The following MAP2K6 variants were observed in gnomAD, a reference collection of about 807,000 sequenced individuals.
MAP2K6 encodes dual specificity mitogen-activated protein kinase kinase 6.
MAP2K6 carries 16 observed loss-of-function variants against 53.7 expected under a neutral mutation model. The ratio of observed to expected loss-of-function variants is 0.30; its 90% CI spans 0.20 to 0.45. The LOEUF is 0.45. Among genes scored for constraint, MAP2K6 ranks in the 20% least tolerant of loss-of-function variants. MAP2K6 has a pLI of 1.00. For synonymous variants in MAP2K6, 132 were observed against 143.1 expected, an observed-to-expected ratio of 0.92 and a Z score of 0.55; for missense variants, 204 against 411.9, an observed-to-expected ratio of 0.50 and a Z score of 4.37.
chr17:69,435,362 C>G (rs1322491986), intron 1 of MAP2K6: 3 of 151,838 alleles, frequency 2.0e-5, no homozygotes, highest in African/African-American at 7.3e-5. Context: ...TGGTGAAACC[C>G]CGTCTCTACT....
At chr17:69,428,992 G>A (rs751365725) in intron 1 of MAP2K6, among the ~76,000 whole-genome samples, 14 of 146,890 alleles carry the variant, frequency 9.5e-5, no homozygotes, top group Non-Finnish European at 1.4e-4. Context: ...CTGAATTTGT[G>A]TTTAGTGGTA....
intron 1 of MAP2K6, among the ~76,000 whole-genome samples, chr17:69,487,024 C>T (rs889841836): frequency 1.3e-5 from 2 of 152,156 alleles, no homozygotes; most frequent in Admixed American, 6.6e-5. Flanking sequence ...CCTGGATAGA[C>T]CTGGGTCGTG....
At chr17:69,475,403 C>T (rs1481691118) in intron 1 of MAP2K6, among the ~76,000 whole-genome samples, 1 of 152,030 alleles carries the variant, frequency 6.6e-6, no homozygotes, top group South Asian at 2.1e-4. Context: ...CTCCTGACCT[C>T]GTGATCCGCC....
intron 5 of MAP2K6, chr17:69,519,958 A>G (rs993457016): frequency 6.9e-6 from 2 of 289,766 alleles, no homozygotes; most frequent in African/African-American, 2.2e-5. Flanking sequence ...ACTCCTAGAC[A>G]GTGGTATCAG....
At chr17:69,511,688 A>G (rs1335510320) in intron 2 of MAP2K6, among the ~76,000 whole-genome samples, 1 of 152,250 alleles carries the variant, frequency 6.6e-6, no homozygotes, top group Non-Finnish European at 1.5e-5. Context: ...GCTGTTGAGC[A>G]TAGCTTCATG....
intron 1 of MAP2K6, among the ~76,000 whole-genome samples, chr17:69,490,963 T>C (rs1908723099): frequency 6.6e-6 from 1 of 152,148 alleles, no homozygotes; most frequent in Admixed American, 6.5e-5. Flanking sequence ...AGTGAGAACA[T>C]GAGATAATCT....
chr17:69,467,851 A>G (rs537449490), intron 1 of MAP2K6, among the ~76,000 whole-genome samples: 1 of 152,110 alleles, frequency 6.6e-6, no homozygotes, highest in South Asian at 2.1e-4. Context: ...AACTCACTGC[A>G]ACAACCCAGG....
intron 1 of MAP2K6, among the ~76,000 whole-genome samples, chr17:69,417,939 A>G (rs1232465805): frequency 6.6e-6 from 1 of 152,242 alleles, no homozygotes; most frequent in African/African-American, 2.4e-5. Flanking sequence ...TTAGAGAGCA[A>G]TAAGTAAATC....
intron 1 of MAP2K6, chr17:69,434,092 G>C (rs1034389973): frequency 1.3e-5 from 2 of 152,174 alleles, no homozygotes; most frequent in African/African-American, 2.4e-5. Context: ...GCTCAGAATG[G>C]AATGGATAGC....
At chr17:69,428,130 G>A (rs562210162) in intron 1 of MAP2K6, among the ~76,000 whole-genome samples, 16 of 152,288 alleles carry the variant, frequency 1.1e-4, no homozygotes, top group South Asian at 6.2e-4. Flanking sequence ...CTACCCTCAA[G>A]AAGCTCATAT....
intron 1 of MAP2K6, chr17:69,477,318 G>C (rs958556667): frequency 3.9e-5 from 6 of 152,202 alleles, no homozygotes; most frequent in African/African-American, 1.4e-4. Context: ...AACTAATGGG[G>C]TTATCGTCTC....
intron 1 of MAP2K6, among the ~76,000 whole-genome samples, chr17:69,483,755 C>A (rs1908428291): frequency 2.6e-5 from 4 of 152,038 alleles, no homozygotes; most frequent in Admixed American, 2.6e-4. Context: ...TAGACACAGA[C>A]AAATGGAATA....
At chr17:69,514,910 G>T (rs1001877367) in intron 2 of MAP2K6, among the ~76,000 whole-genome samples, 2 of 152,108 alleles carry the variant, frequency 1.3e-5, no homozygotes, top group Admixed American at 6.6e-5. Flanking sequence ...TTCAGCAAAA[G>T]GGTTAGAATC....
chr17:69,418,079 T>G (rs1333736269), intron 1 of MAP2K6, among the ~76,000 whole-genome samples: 3 of 152,228 alleles, frequency 2.0e-5, no homozygotes, highest in Non-Finnish European at 4.4e-5. Flanking sequence ...GTAAATTTCT[T>G]GTTCTCTATA....
intron 1 of MAP2K6, among the ~76,000 whole-genome samples, chr17:69,440,441 T>TTGTA (rs1906780631): frequency 6.6e-6 from 1 of 152,202 alleles, no homozygotes; most frequent in Non-Finnish European, 1.5e-5. Flanking sequence ...CTCTTGTGAC[T>TTGTA]TACAGTGGTC....
intron 1 of MAP2K6, among the ~76,000 whole-genome samples, chr17:69,415,298 C>T (rs576367386): frequency 1.3e-5 from 2 of 152,270 alleles, no homozygotes; most frequent in East Asian, 3.9e-4. Flanking sequence ...TCTAAATGTG[C>T]AAGGCTTTAT....
At chr17:69,444,860 C>T (rs1161083630) in intron 1 of MAP2K6, among the ~76,000 whole-genome samples, 1 of 152,224 alleles carries the variant, frequency 6.6e-6, no homozygotes, top group African/African-American at 2.4e-5. Context: ...CTGTTGCATA[C>T]ATGCCACTAA....
At chr17:69,439,782 A>G (rs1480522956) in intron 1 of MAP2K6, among the ~76,000 whole-genome samples, 1 of 152,174 alleles carries the variant, frequency 6.6e-6, no homozygotes, top group African/African-American at 2.4e-5. Context: ...CCTGAGAACA[A>G]CATTCCCTTA....
chr17:69,515,098 G>A (rs72855575), intron 2 of MAP2K6, among the ~76,000 whole-genome samples: 5,280 of 150,808 alleles, frequency 0.035, 264 homozygotes, highest in African/African-American at 0.11. Context: ...GGATTCTTTC[G>A]TCTTTAGCCT....
Sources: gnomAD v4.1 joint callset for allele counts (sites outside exome capture counted in the v4.1 genomes callset) on GRCh38, gnomAD v4.1.1 for gene constraint, MANE v1.5 for transcripts, NCBI Gene and HGNC (gene_info 2026-07-23, HGNC 2026-07-21) for gene names.